The following STRIP1 variants were observed in gnomAD, a reference collection of about 807,000 sequenced individuals.
STRIP1 encodes striatin-interacting protein 1.
A neutral mutation model predicts 106.2 loss-of-function variants in STRIP1; 63 were observed. The ratio of observed to expected loss-of-function variants is 0.59; its 90% confidence interval spans 0.48 to 0.73. STRIP1 has a LOEUF of 0.73. STRIP1 is among the 30% of genes least tolerant of loss of function. The probability of loss-of-function intolerance (pLI) is 0.00; values close to 1 mark genes in which losing one functional copy is unlikely to be tolerated. For missense variants in STRIP1, 857 were observed against 1,074.8 expected, an observed-to-expected ratio of 0.80 and a Z score of 2.83; for synonymous variants, 390 against 413.0, an observed-to-expected ratio of 0.94 and a Z score of 0.67.
intron 6 of STRIP1, chr1:110,041,224 C>T (rs1346677065): frequency 1.3e-5 from 3 of 226,700 alleles, no homozygotes; most frequent in East Asian, 2.1e-4. Flanking sequence ...GTAGTGTTGC[C>T]TCCCGGGTGT....
At chr1:110,039,053 A>C in intron 3 of STRIP1, 119 bp from the exon 4 acceptor site, 1 of 1,153,986 alleles carries the variant, frequency 8.7e-7, no homozygotes, top group Non-Finnish European at 1.2e-6. Context: ...TACCACTTAC[A>C]TAGGGTGTAA....
intron 12 of STRIP1, 152 bp downstream of exon 12, chr1:110,045,230 C>G (rs1385295816): frequency 3.1e-5 from 20 of 645,532 alleles, no homozygotes; most frequent in Non-Finnish European, 5.2e-5. Context: ...TGCAAACAGT[C>G]TTTCGTAAGT....
chr1:110,053,050 C>T (rs573307366), intron 20 of STRIP1, among the ~76,000 whole-genome samples: 1 of 152,326 alleles, frequency 6.6e-6, no homozygotes, highest in East Asian at 1.9e-4. Context: ...TTGTTACGGG[C>T]TGTCAGTCCA....
chr1:110,049,408 A>G, intron 16 of STRIP1, 52 bp from the exon 17 acceptor site: 1 of 1,540,150 alleles, frequency 6.5e-7, no homozygotes, highest in South Asian at 1.2e-5. Flanking sequence ...AAAGAGGGCA[A>G]GGTCCCAAGG....
chr1:110,045,289 T>G (rs1206463500), intron 12 of STRIP1: 5 of 550,440 alleles, frequency 9.1e-6, no homozygotes, highest in African/African-American at 1.9e-5. Context: ...AGCTTTTGTT[T>G]GGGACTGACT....
intron 18 of STRIP1, 28 bp downstream of exon 18, chr1:110,050,437 C>T (rs1415583874): frequency 5.6e-6 from 9 of 1,609,222 alleles, no homozygotes; most frequent in East Asian, 2.2e-5. Flanking sequence ...CCTCAGCTGT[C>T]CTTTTGGCAC....
chr1:110,046,694 G>A lies in STRIP1; in HGVS notation c.1431G>A (p.Ser477=), dbSNP rs751378025. Residue 477 remains serine (S), a synonymous_variant, in exon 13 of 21, where the codon TCG becomes TCA. Transcript: ENST00000369795. ...TCTCCCACCAGCACAAGTACACGTC[G>A]ATTGCAGAGGTCCAGGCACAGATGG... ...IKTLKQHKYT[S]IAEVQAQMEE... is the part of the protein sequence containing the mutation. 2.7e-5 allele frequency: 44 copies of A among 1,613,268 alleles called. No individual in the cohort carries two copies. The highest frequency in any genetic ancestry group is 5.0e-5 in the Admixed American group (3 of 59,980).
intron 15 of STRIP1, 34 bp downstream of exon 15, chr1:110,047,903 C>T (rs1256917988): frequency 6.6e-7 from 1 of 1,509,912 alleles, no homozygotes; most frequent in Non-Finnish European, 9.0e-7. Context: ...GCAGGTGGGG[C>T]AGAAGATAGA....
rs138031417 is a variant in STRIP1, at chr1:110,050,976, A to G, written c.1977A>G (p.Gln659=). The change falls in exon 19 of 21, where the codon CAA becomes CAG. Residue 659 remains glutamine (Q), a synonymous_variant. Coordinates refer to ENST00000369795, the MANE Select transcript of STRIP1 (RefSeq NM_033088.4). The part of the protein sequence containing the change: ...AESLEAGDSN[Q]FCWRNLFSCI... ...TGCAGGAAGCAGGTGACAGTAACCA[A>G]TTTTGCTGGAGGAACCTCTTTTCTT... 6.6e-5 allele frequency: 106 copies of G among 1,612,848 alleles called. No homozygotes were observed. In the African/African-American group the frequency reaches 1.0e-3, roughly 16 times the overall value.
chr1:110,041,993 C>G (rs1056201993), intron 8 of STRIP1, 132 bp downstream of exon 8: 10 of 1,110,688 alleles, frequency 9.0e-6, no homozygotes, highest in Middle Eastern at 2.7e-4. Flanking sequence ...ATTTAAAAAG[C>G]TGCTAAAAGG....
At chr1:110,038,196 C>T in intron 2 of STRIP1, 1 of 170,166 alleles carries the variant, frequency 5.9e-6, no homozygotes, top group Non-Finnish European at 1.2e-5. Flanking sequence ...TGGCTAGAGC[C>T]CAGTCCCATT....
chr1:110,048,937 A>G (rs1215743875), intron 15 of STRIP1, among the ~76,000 whole-genome samples, 175 bp from the exon 16 acceptor site: 1 of 152,194 alleles, frequency 6.6e-6, no homozygotes, highest in Non-Finnish European at 1.5e-5. Flanking sequence ...GTGCGAGGCT[A>G]CATTGCTTGG....
intron 1 of STRIP1, among the ~76,000 whole-genome samples, chr1:110,037,353 G>C (rs1415711778): frequency 6.6e-6 from 1 of 152,184 alleles, no homozygotes; most frequent in African/African-American, 2.4e-5. Flanking sequence ...CTGTTTGGCG[G>C]CTGCCTTCTT....
Position 110,049,454 on chromosome 1 carries a change from C to A in STRIP1, c.1789-6C>A. ...TTTTTTTTTTTTTTTTTCCTGTTGG[C>A]TTCAGTTTGAATACATGGCCCAGCA... On this transcript the variant is annotated splice_region_variant and splice_polypyrimidine_tract_variant and intron_variant, in intron 16 of 20. Coordinates refer to ENST00000369795, the MANE Select transcript of STRIP1 (RefSeq NM_033088.4). 1 of 1,392,126 alleles carries A rather than the reference C, an allele frequency of 7.2e-7. No individual in the cohort carries two copies. Among genetic ancestry groups the A allele is most frequent in the Non-Finnish European group, 9.9e-7 (1 of 1,009,874 alleles). 86.2% of individuals were successfully genotyped at this position (1,392,126 alleles called of 1,614,324 possible).
At chr1:110,036,227 C>T (rs1022043425) in intron 1 of STRIP1, among the ~76,000 whole-genome samples, 3 of 152,076 alleles carry the variant, frequency 2.0e-5, no homozygotes, top group African/African-American at 4.8e-5. Flanking sequence ...CCGAGGCGGG[C>T]GGATCACCTG....
intron 19 of STRIP1, among the ~76,000 whole-genome samples, 158 bp downstream of exon 19, chr1:110,051,218 G>A (rs1460482223): frequency 6.6e-6 from 1 of 152,248 alleles, no homozygotes. Context: ...GTTCCTTGAT[G>A]AATTGAACTG....
chr1:110,049,775 T>C (rs1005604633), intron 17 of STRIP1: 4 of 525,538 alleles, frequency 7.6e-6, no homozygotes, highest in Non-Finnish European at 1.3e-5. Flanking sequence ...ACTTGGTCTG[T>C]GCCTGGGCAG....
chr1:110,046,817 C>T (rs1048752896), intron 13 of STRIP1, 66 bp downstream of exon 13: 67 of 1,214,988 alleles, frequency 5.5e-5, no homozygotes, highest in Middle Eastern at 4.8e-4. Context: ...TTTGGGAGGC[C>T]GAGGAGGGCA....
intron 2 of STRIP1, chr1:110,038,309 T>C (rs1652593381): frequency 9.7e-6 from 2 of 207,116 alleles, no homozygotes; most frequent in Non-Finnish European, 2.0e-5. Flanking sequence ...CATCTGCTGC[T>C]GCCACTGCCA....
Sources: gnomAD v4.1 joint callset for allele counts (sites outside exome capture counted in the v4.1 genomes callset) on GRCh38, gnomAD v4.1.1 for gene constraint, MANE v1.5 for transcripts, NCBI Gene and HGNC (gene_info 2026-07-23, HGNC 2026-07-21) for gene names.